The following PDE1C variants were observed in gnomAD, a reference collection of about 807,000 sequenced individuals.
PDE1C encodes dual specificity calcium/calmodulin-dependent 3',5'-cyclic nucleotide phosphodiesterase 1C.
In PDE1C, 62 loss-of-function variants were observed where a neutral mutation model predicts 93.1. That is an observed-to-expected ratio of 0.67 (90% CI 0.54 to 0.82). The LOEUF is 0.82. Among genes scored for constraint, PDE1C ranks in the 40% least tolerant of loss-of-function variants. The pLI is 0.00. For synonymous variants in PDE1C, 325 were observed against 310.1 expected (o/e 1.05, Z -0.50); for missense variants, 742 against 884.6 (o/e 0.84, Z 2.04).
intron 3 of PDE1C, among the ~76,000 whole-genome samples, chr7:32,088,138 T>A (rs1797233373): frequency 6.6e-6 from 1 of 152,136 alleles, no homozygotes; most frequent in Non-Finnish European, 1.5e-5. Flanking sequence ...CCACCATTAC[T>A]GTCTCGCACT....
intron 2 of PDE1C, among the ~76,000 whole-genome samples, chr7:32,005,487 C>CG (rs576602089): frequency 2.0e-3 from 271 of 134,422 alleles, no homozygotes; most frequent in Non-Finnish European, 3.5e-3. Flanking sequence ...ACCCAGGAGG[C>CG]GGAGCTTGCA....
chr7:31,716,629 A>G, the PDE1C span, among the ~76,000 whole-genome samples: 1 of 152,212 alleles, frequency 6.6e-6, no homozygotes, highest in African/African-American at 2.4e-5. Context: ...AGTGGTCACT[A>G]TGCATCTGTT....
At chr7:32,249,317 G>A (rs1809190967) in intron 1 of PDE1C, among the ~76,000 whole-genome samples, 1 of 151,868 alleles carries the variant, frequency 6.6e-6, no homozygotes, top group African/African-American at 2.4e-5. Context: ...CTACTTGGTG[G>A]TGTTTTTTCC....
rs560975644 is a variant in PDE1C at position 32,362,103 on chromosome 7, G to A, written c.310+65719C>T. 9.9e-5 allele frequency among the ~76,000 whole-genome samples: 15 copies of A among 152,246 alleles called. No individual in the cohort carries two copies. In the South Asian group the frequency reaches 1.5e-3, roughly 15 times the overall value. On this transcript the variant is annotated intron_variant, in intron 1 of 1. Coordinates refer to the PDE1C transcript ENST00000672256. The stretch of plus-strand genomic sequence containing the variant: ...ACAGAGGAGGGCGCTCCCCCAGGGC[G>A]GGGAGAACGATGGGGTCAGGCAAAT...
chr7:32,151,848 C>G (rs1801279011), intron 3 of PDE1C, among the ~76,000 whole-genome samples: 1 of 152,158 alleles, frequency 6.6e-6, no homozygotes, highest in Non-Finnish European at 1.5e-5. Flanking sequence ...GATGGGTTCA[C>G]AGGCTCAAAT....
chr7:31,709,023 T>A, the PDE1C span, among the ~76,000 whole-genome samples: 3 of 152,082 alleles, frequency 2.0e-5, no homozygotes, highest in African/African-American at 7.2e-5. Flanking sequence ...CAATTACAGG[T>A]CTATGGATAA....
intron 6 of PDE1C, among the ~76,000 whole-genome samples, chr7:31,869,700 T>C (rs1369215775): frequency 2.6e-5 from 4 of 152,062 alleles, no homozygotes; most frequent in Non-Finnish European, 4.4e-5. Flanking sequence ...TATCATAGCA[T>C]CAAACAGAAC....
At chr7:31,739,262 G>A in the PDE1C span, among the ~76,000 whole-genome samples, 1 of 149,718 alleles carries the variant, frequency 6.7e-6, no homozygotes, top group Non-Finnish European at 1.5e-5. Context: ...GCAAATTTTA[G>A]TGATGATCTC....
At chr7:32,181,293 C>A (rs977481274) in intron 2 of PDE1C, among the ~76,000 whole-genome samples, 1 of 152,072 alleles carries the variant, frequency 6.6e-6, no homozygotes, top group Non-Finnish European at 1.5e-5. Flanking sequence ...CTGCACCAAG[C>A]GGACCTAATA....
intron 3 of PDE1C, among the ~76,000 whole-genome samples, chr7:32,102,923 G>C (rs546564684): frequency 1.1e-4 from 16 of 152,142 alleles, no homozygotes; most frequent in Non-Finnish European, 2.4e-4. Flanking sequence ...GAATTGTGAG[G>C]CTTCCCCAGA....
intron 16 of PDE1C, among the ~76,000 whole-genome samples, chr7:31,780,367 G>C (rs1028672175): frequency 6.6e-6 from 1 of 152,118 alleles, no homozygotes; most frequent in African/African-American, 2.4e-5. Flanking sequence ...AGAAAGCTTA[G>C]ACCCAGTTTA....
chr7:31,661,642 C>T, the PDE1C span, among the ~76,000 whole-genome samples: 1 of 151,556 alleles, frequency 6.6e-6, no homozygotes, highest in Non-Finnish European at 1.5e-5. Context: ...GAACCCACAA[C>T]GTGGAGGTTG....
intron 3 of PDE1C, among the ~76,000 whole-genome samples, chr7:32,165,386 GGTGAGTAA>G (rs1802180355): frequency 6.6e-6 from 1 of 152,156 alleles, no homozygotes; most frequent in Non-Finnish European, 1.5e-5. Flanking sequence ...GGCCAGAACA[GGTGAGTAA>G]GTTTGTTCTC....
intron 2 of PDE1C, among the ~76,000 whole-genome samples, chr7:31,990,732 C>T (rs1339017673): frequency 6.6e-6 from 1 of 152,170 alleles, no homozygotes; most frequent in Non-Finnish European, 1.5e-5. Flanking sequence ...GAGAAATTAT[C>T]TGCTTTGGTA....
intron 2 of PDE1C, among the ~76,000 whole-genome samples, chr7:32,204,793 C>T (rs1429686110): frequency 6.6e-6 from 1 of 152,218 alleles, no homozygotes; most frequent in Non-Finnish European, 1.5e-5. Flanking sequence ...TTCACCTCCA[C>T]ACCAGGCTGG....
chr7:32,072,215 G>C (rs553859213), upstream of PDE1C, among the ~76,000 whole-genome samples: 1 of 152,292 alleles, frequency 6.6e-6, no homozygotes, highest in East Asian at 1.9e-4. Flanking sequence ...ATGCATTCTA[G>C]CAGAGAAGGT....
At chr7:32,245,553 AC>A (rs1489581745) in intron 1 of PDE1C, among the ~76,000 whole-genome samples, 4 of 152,004 alleles carry the variant, frequency 2.6e-5, no homozygotes, top group Non-Finnish European at 5.9e-5. Flanking sequence ...TCCAGAGAAG[AC>A]CTAAGACAAG....
the PDE1C span, among the ~76,000 whole-genome samples, chr7:31,647,507 CA>C: frequency 0.37 from 51,829 of 139,392 alleles, 9,647 homozygotes; most frequent in East Asian, 0.46. Flanking sequence ...ATTAAAACTA[CA>C]AAAAAAAAAA....
chr7:31,859,837 T>A (rs1455891815), intron 7 of PDE1C, among the ~76,000 whole-genome samples: 1 of 152,240 alleles, frequency 6.6e-6, no homozygotes, highest in African/African-American at 2.4e-5. Context: ...TCTATGTGTA[T>A]ATACATGTGC....
Sources: gnomAD v4.1 joint callset for allele counts (sites outside exome capture counted in the v4.1 genomes callset) on GRCh38, gnomAD v4.1.1 for gene constraint, MANE v1.5 for transcripts, NCBI Gene and HGNC (gene_info 2026-07-23, HGNC 2026-07-21) for gene names.